DCAKD: variants seen among roughly 807,000 people sequenced by gnomAD.
DCAKD encodes the protein dephospho-CoA kinase domain-containing protein.
A neutral mutation model predicts 18.7 loss-of-function variants in DCAKD; 15 were observed. The ratio of observed to expected loss-of-function variants is 0.80; its 90% CI spans 0.54 to 1.24. The LOEUF is 1.24. Ranked by LOEUF, DCAKD falls within the 50% of genes most tolerant of loss-of-function variation. DCAKD has a pLI of 0.00. For missense variants in DCAKD, 301 were observed against 322.0 expected (o/e 0.93, Z 0.50); for synonymous variants, 130 against 133.0 (o/e 0.98, Z 0.16).
upstream of DCAKD, among the ~76,000 whole-genome samples, chr17:45,056,383 TAA>T: frequency 6.6e-6 from 1 of 152,262 alleles, no homozygotes; most frequent in East Asian, 1.9e-4. Flanking sequence ...GCTCAGAGGT[TAA>T]GTGACTTGCC....
chr17:45,025,434 G>A (rs2053034347), intron 4 of DCAKD, among the ~76,000 whole-genome samples: 2 of 152,160 alleles, frequency 1.3e-5, no homozygotes, highest in East Asian at 1.9e-4. Context: ...AGATTAGGTC[G>A]GACAATATCA....
rs1443187878 is a variant in DCAKD, at chr17:45,024,278, G to A, written c.*155C>T. Reference sequence around the variant, plus strand: ...TGGCACAGAGGCCCAGCCCTGATTCGGAGAGTCCGTGTGTGTGTGTGTGTG... The same window carrying A: ...TGGCACAGAGGCCCAGCCCTGATTCAGAGAGTCCGTGTGTGTGTGTGTGTG... On this transcript the variant is annotated 3_prime_UTR_variant, in exon 5 of 5. Coordinates refer to ENST00000651974, the MANE Select transcript of DCAKD (RefSeq NM_001288655.2). The A allele has an allele frequency of 9.2e-6, 9 of 982,528 alleles. No homozygotes were observed. The highest frequency in any genetic ancestry group is 3.3e-5 in the African/African-American group (2 of 60,138). 60.9% of individuals were successfully genotyped at this position (982,528 alleles called of 1,614,324 possible). A position where few individuals can be genotyped will look rare whatever the true frequency, so the allele number is the denominator to read the frequency against.
rs1425313451 is a variant in DCAKD, at chr17:45,024,516, G to A, written c.613C>T (p.Leu205=). The A allele has an allele frequency of 6.2e-7, 1 of 1,614,174 alleles. No individual in the cohort carries two copies. ...AGCCCTGTGAGGACCCCAAACCTCAGCGGCAGGTACTCCAGGGAGCGCTCC... is the reference window on the plus strand; with the variant it reads ...AGCCCTGTGAGGACCCCAAACCTCAACGGCAGGTACTCCAGGGAGCGCTCC... The part of the protein sequence containing the change: ...ELERSLEYLP[L]RFGVLTGLAA... Residue 205 remains leucine, a synonymous_variant, in exon 5 of 5, where the codon CTG becomes TTG. Transcript: ENST00000651974.
At chr17:45,060,562 T>C (rs1205782884) in intron 1 of DCAKD, among the ~76,000 whole-genome samples, 1 of 152,060 alleles carries the variant, frequency 6.6e-6, no homozygotes. Flanking sequence ...AGGGTCGTTG[T>C]GGAAAATTCT....
chr17:45,034,391 C>T lies in DCAKD; in HGVS notation c.113-1G>A. On this transcript the variant is annotated splice_acceptor_variant, in intron 2 of 4. Coordinates refer to ENST00000651974, the MANE Select transcript of DCAKD (RefSeq NM_001288655.2). LOFTEE classifies it high-confidence loss of function. The stretch of plus-strand genomic sequence containing the variant: ...TGGGCAGGGTATCCTGGCTGCACGA[C>T]TGTGGCAGGAGGAAGAAGCTGGGTC... The T allele has an allele frequency of 6.2e-7, 1 of 1,613,588 alleles. No homozygotes were observed. Among genetic ancestry groups the T allele is most frequent in the South Asian group, 1.1e-5 (1 of 91,076 alleles).
chr17:45,029,757 A>G (rs1346578613), intron 4 of DCAKD, among the ~76,000 whole-genome samples: 1 of 152,128 alleles, frequency 6.6e-6, no homozygotes, highest in Non-Finnish European at 1.5e-5. Context: ...TAAACTGTGC[A>G]AAGTAATAAA....
At chr17:45,033,998 G>C (rs1360295063) in intron 3 of DCAKD, 189 bp downstream of exon 3, 1 of 1,593,252 alleles carries the variant, frequency 6.3e-7, no homozygotes, top group African/African-American at 1.3e-5. Flanking sequence ...GCCTCCTTAA[G>C]AGCTGAGGGA....
upstream of DCAKD, among the ~76,000 whole-genome samples, chr17:45,052,245 T>G (rs2053723699): frequency 6.6e-6 from 1 of 152,112 alleles, no homozygotes; most frequent in Non-Finnish European, 1.5e-5. Context: ...GGGGCAAAAC[T>G]GCAGGGTCCT....
intron 4 of DCAKD, among the ~76,000 whole-genome samples, chr17:45,025,220 C>T (rs708381): frequency 0.66 from 99,530 of 151,622 alleles, 33,315 homozygotes; most frequent in African/African-American, 0.77. Flanking sequence ...ATCAAAAATA[C>T]CTCCTTGGGC....
rs575953896 is a variant in DCAKD at position 45,033,953 on chromosome 17, G to A, written c.316+234C>T. ...AACTTACTTCCTGGGCTCATGGCTC[G>A]AAAGCCTCATGTGTCTCTTCTCATT... On this transcript the variant is annotated intron_variant, in intron 3 of 4. Coordinates refer to ENST00000651974, the MANE Select transcript of DCAKD (RefSeq NM_001288655.2). 2.8e-5 allele frequency: 43 copies of A among 1,559,286 alleles called. No homozygotes were observed. The East Asian group carries it at 5.4e-4, about 20-fold the overall frequency.
At chr17:45,032,227 A>T in intron 3 of DCAKD, 1 of 625,920 alleles carries the variant, frequency 1.6e-6, no homozygotes, top group Non-Finnish European at 2.0e-6. Context: ...CAGCACAAAG[A>T]GTCCAGAGGG....
chr17:45,034,337 C>T lies in DCAKD; in HGVS notation c.166G>A (p.Glu56Lys), dbSNP rs2053240744. Residue 56 changes from glutamate to lysine, a missense_variant, in exon 3 of 5, where the codon GAG becomes AAG. Transcript: ENST00000651974. ...ATGTCGCCGTTCTCCAGCAAGACCT[C>T]AGTGCCGAAGACCTCTACGATGCGC... ...HRRIVEVFGT[E>K]VLLENGDINR... 9 of 1,614,092 alleles carry T rather than the reference C, an allele frequency of 5.6e-6. No individual in the cohort carries two copies. The highest frequency in any genetic ancestry group is 7.6e-6 in the Non-Finnish European group (9 of 1,180,028).
At chr17:45,050,133 C>A (rs2053660228) in intron 1 of DCAKD, among the ~76,000 whole-genome samples, 1 of 151,868 alleles carries the variant, frequency 6.6e-6, no homozygotes, top group Admixed American at 6.6e-5. Context: ...CTCAGCCTCC[C>A]GGGTTCAAGC....
chr17:45,024,659 G>A lies in DCAKD; in HGVS notation c.470C>T (p.Ala157Val). 6.2e-7 allele frequency: 1 copy of A among 1,610,930 alleles called. No homozygotes were observed. Among genetic ancestry groups the A allele is most frequent in the Non-Finnish European group, 8.5e-7 (1 of 1,177,558 alleles). Residue 157 changes from alanine (A) to valine (V), a missense_variant, in exon 5 of 5, where the codon GCC (alanine) becomes GTC (valine). Physicochemically the swap from Ala to Val is moderately conservative, Grantham distance 64. Coordinates refer to ENST00000651974, the MANE Select transcript of DCAKD (RefSeq NM_001288655.2). ...RNSLNRKDAE[A>V]RINAQLPLTD... ...CAGGGGCAGCTGGGCATTGATGCGG[G>A]CCTCTGCGTCCTTGCGGTTCAGGCT...
chr17:45,030,274 G>A, intron 3 of DCAKD, 95 bp from the exon 4 acceptor site: 1 of 1,112,272 alleles, frequency 9.0e-7, no homozygotes, highest in Non-Finnish European at 1.4e-6. Flanking sequence ...GCGCCCAGCA[G>A]AGGGGCAGGC....
intron 1 of DCAKD, among the ~76,000 whole-genome samples, chr17:45,060,086 A>G (rs2053832407): frequency 6.6e-6 from 1 of 152,208 alleles, no homozygotes; most frequent in East Asian, 1.9e-4. Flanking sequence ...CCTGGGAGTC[A>G]GAGAGAGACT....
intron 4 of DCAKD, among the ~76,000 whole-genome samples, chr17:45,026,377 G>A (rs889936194): frequency 6.6e-6 from 1 of 151,402 alleles, no homozygotes; most frequent in Admixed American, 6.6e-5. Flanking sequence ...ATAGGCGCCC[G>A]CCACCACACC....
At chr17:45,036,586 C>T (rs2053305451) in intron 1 of DCAKD, among the ~76,000 whole-genome samples, 1 of 151,808 alleles carries the variant, frequency 6.6e-6, no homozygotes, top group African/African-American at 2.4e-5. Flanking sequence ...TGGTAAATAT[C>T]CCAAAAATGG....
At chr17:45,031,057 G>A (rs2053162421) in intron 3 of DCAKD, 1 of 985,308 alleles carries the variant, frequency 1.0e-6, no homozygotes, top group Non-Finnish European at 1.2e-6. Flanking sequence ...AGCAAGAAGG[G>A]TAAGAGATAG....
Sources: allele counts gnomAD v4.1 joint callset (sites outside exome capture counted in the v4.1 genomes callset), GRCh38; gene constraint gnomAD v4.1.1; transcripts MANE v1.5; gene names NCBI Gene and HGNC (gene_info 2026-07-23, HGNC 2026-07-21).